The following CPED1 variants were observed in gnomAD, a reference collection of about 807,000 sequenced individuals.
The protein encoded by CPED1 is cadherin like and PC-esterase domain containing 1.
CPED1 carries 114 observed loss-of-function variants against 128.2 expected under a neutral mutation model. The ratio of observed to expected loss-of-function variants is 0.89; its 90% CI spans 0.76 to 1.04. The LOEUF (loss-of-function observed/expected upper bound fraction) is 1.04. CPED1 is among the 50% of genes least tolerant of loss of function. The pLI, the probability that CPED1 is intolerant of heterozygous loss-of-function variation, is 0.00. For missense variants in CPED1, 1,211 were observed against 1,207.1 expected (o/e 1.00, Z -0.05); for synonymous variants, 462 against 426.7 (o/e 1.08, Z -1.02).
chr7:121,151,773 T>C (rs530540766), intron 16 of CPED1, among the ~76,000 whole-genome samples: 1 of 152,374 alleles, frequency 6.6e-6, no homozygotes, highest in African/African-American at 2.4e-5. Context: ...ATTGGTGTGC[T>C]TTCTTTCAGC....
chr7:121,043,565 C>T (rs1793113682), intron 3 of CPED1, among the ~76,000 whole-genome samples: 1 of 152,094 alleles, frequency 6.6e-6, no homozygotes, highest in Non-Finnish European at 1.5e-5. Flanking sequence ...TGTCAAATGG[C>T]CAACTCATGG....
intron 5 of CPED1, among the ~76,000 whole-genome samples, chr7:121,073,190 TAATAA>T (rs1266328905): frequency 1.3e-5 from 2 of 152,354 alleles, no homozygotes; most frequent in East Asian, 3.9e-4. Context: ...TGTATTTTTA[TAATAA>T]AATAAGCTAG....
intron 5 of CPED1, among the ~76,000 whole-genome samples, chr7:121,076,195 C>G (rs948281716): frequency 6.6e-6 from 1 of 152,110 alleles, no homozygotes; most frequent in African/African-American, 2.4e-5. Flanking sequence ...ACTGATTTCT[C>G]TATGTATGCA....
chr7:121,043,803 G>A (rs1253525470), intron 3 of CPED1, among the ~76,000 whole-genome samples: 1 of 152,252 alleles, frequency 6.6e-6, no homozygotes, highest in African/African-American at 2.4e-5. Flanking sequence ...TATGTGAATT[G>A]TGCTGACATT....
intron 2 of CPED1, among the ~76,000 whole-genome samples, chr7:121,007,923 T>C (rs889007328): frequency 1.3e-5 from 2 of 152,196 alleles, no homozygotes; most frequent in African/African-American, 4.8e-5. Flanking sequence ...AGGGCAGGTC[T>C]CAGGCATCCC....
At chr7:121,168,673 G>A (rs1339579802) in intron 16 of CPED1, among the ~76,000 whole-genome samples, 1 of 151,992 alleles carries the variant, frequency 6.6e-6, no homozygotes, top group Non-Finnish European at 1.5e-5. Flanking sequence ...TCAAATACTA[G>A]GTCTTATTCA....
In CPED1 at chr7:121,162,317, A is replaced by C. The variant is rs145898484; in HGVS notation, c.2055+20176A>C. The stretch of plus-strand genomic sequence containing the variant: ...CTCCTAATTCTTCCAAAGAAACCTA[A>C]CATTTGAATTTTAATGGAAGACTTC... On this transcript the variant is annotated intron_variant, in intron 16 of 22. Coordinates refer to ENST00000310396, the MANE Select transcript of CPED1 (RefSeq NM_024913.5). Among the ~76,000 whole-genome samples the C allele has an allele frequency of 9.1e-4, 138 of 152,326 alleles. 2 individuals are homozygous for C. Among genetic ancestry groups the C allele is most frequent in the African/African-American group, 3.2e-3 (133 of 41,574 alleles).
chr7:121,077,386 G>A (rs905304515), intron 5 of CPED1, among the ~76,000 whole-genome samples: 2 of 149,332 alleles, frequency 1.3e-5, no homozygotes, highest in Admixed American at 1.3e-4. Context: ...TTATTAAACA[G>A]TAAGACATTC....
chr7:121,069,436 AAGG>A, intron 5 of CPED1, among the ~76,000 whole-genome samples: 1 of 152,276 alleles, frequency 6.6e-6, no homozygotes, highest in South Asian at 2.1e-4. Flanking sequence ...AATGCTAAGA[AAGG>A]AGAGATGATC....
chr7:121,160,731 C>A (rs1796393602), intron 16 of CPED1, among the ~76,000 whole-genome samples: 1 of 152,140 alleles, frequency 6.6e-6, no homozygotes, highest in Non-Finnish European at 1.5e-5. Flanking sequence ...ATATCTGTCC[C>A]AGGCCACAGT....
intron 16 of CPED1, among the ~76,000 whole-genome samples, chr7:121,201,679 T>G (rs901849121): frequency 1.3e-5 from 2 of 152,108 alleles, no homozygotes; most frequent in African/African-American, 2.4e-5. Flanking sequence ...AGGAATCTAA[T>G]TTCTGAATGC....
intron 16 of CPED1, among the ~76,000 whole-genome samples, chr7:121,234,813 G>A (rs1026360320): frequency 6.6e-5 from 10 of 152,054 alleles, no homozygotes; most frequent in Middle Eastern, 3.2e-3. Flanking sequence ...GAACACACAC[G>A]TACACGTGTG....
intron 16 of CPED1, among the ~76,000 whole-genome samples, chr7:121,213,245 A>G (rs1052390126): frequency 3.9e-5 from 6 of 152,010 alleles, no homozygotes; most frequent in Non-Finnish European, 8.8e-5. Context: ...CCATGGTTCA[A>G]ACCCTATTTG....
At chr7:121,292,858 C>T (rs1483077172) in intron 22 of CPED1, among the ~76,000 whole-genome samples, 1 of 152,208 alleles carries the variant, frequency 6.6e-6, no homozygotes, top group African/African-American at 2.4e-5. Context: ...GGCTGCAGAA[C>T]AGCAAAGATT....
intron 7 of CPED1, among the ~76,000 whole-genome samples, chr7:121,122,241 A>G (rs1180923815): frequency 6.6e-5 from 10 of 150,398 alleles, no homozygotes; most frequent in African/African-American, 1.7e-4. Flanking sequence ...CCCTGGTTCA[A>G]GTGATTCTCC....
intron 16 of CPED1, among the ~76,000 whole-genome samples, chr7:121,209,958 G>GA (rs536851315): frequency 1.6e-3 from 242 of 151,448 alleles, no homozygotes; most frequent in African/African-American, 5.4e-3. Context: ...AACAACAATA[G>GA]AAAAAAAATC....
chr7:121,093,252 G>A (rs1342280460), intron 5 of CPED1, among the ~76,000 whole-genome samples: 2 of 152,090 alleles, frequency 1.3e-5, no homozygotes, highest in East Asian at 3.8e-4. Flanking sequence ...TGAACATTAT[G>A]AAATTGCTGA....
chr7:121,082,364 G>A (rs1426235628), intron 5 of CPED1, among the ~76,000 whole-genome samples: 2 of 152,224 alleles, frequency 1.3e-5, no homozygotes, highest in South Asian at 2.1e-4. Flanking sequence ...TCAACATAAA[G>A]CTGTCACAAT....
chr7:121,133,345 C>G (rs571008133), intron 12 of CPED1, among the ~76,000 whole-genome samples: 338 of 152,154 alleles, frequency 2.2e-3, no homozygotes, highest in African/African-American at 7.8e-3. Flanking sequence ...CCTTGCTATT[C>G]ACTACTGTTA....
Sources: gnomAD v4.1 joint callset for allele counts (sites outside exome capture counted in the v4.1 genomes callset) on GRCh38, gnomAD v4.1.1 for gene constraint, MANE v1.5 for transcripts, NCBI Gene and HGNC (gene_info 2026-07-23, HGNC 2026-07-21) for gene names.